CCDC91: variants seen among roughly 807,000 people sequenced by gnomAD.
The protein encoded by CCDC91 is coiled-coil domain-containing protein 91.
CCDC91 carries 48 observed loss-of-function variants against 63.2 expected under a neutral mutation model. That is an observed-to-expected ratio of 0.76 (90% CI 0.60 to 0.97). The LOEUF is 0.97. Ranked by LOEUF, CCDC91 falls within the 50% of genes least tolerant of loss-of-function variation. The pLI is 0.00. For synonymous variants in CCDC91, 167 were observed against 165.8 expected, an observed-to-expected ratio of 1.01 and a Z score of -0.06; for missense variants, 500 against 494.6, an observed-to-expected ratio of 1.01 and a Z score of -0.10.
chr12:28,328,329 A>G (rs1430546816), intron 6 of CCDC91, among the ~76,000 whole-genome samples: 2 of 151,926 alleles, frequency 1.3e-5, no homozygotes, highest in East Asian at 1.9e-4. Context: ...AAAGTTTTGG[A>G]TGTCTTTTGT....
chr12:28,483,026 C>T (rs1468551760), intron 11 of CCDC91, among the ~76,000 whole-genome samples: 2 of 152,042 alleles, frequency 1.3e-5, no homozygotes, highest in South Asian at 4.1e-4. Context: ...ATCCCATCTT[C>T]TGTATATCCA....
intron 1 of CCDC91, 98 bp from the exon 2 acceptor site, chr12:28,257,104 T>C (rs1182989526): frequency 2.1e-5 from 15 of 719,520 alleles, no homozygotes; most frequent in Non-Finnish European, 3.5e-5. Flanking sequence ...TTAGAAATTC[T>C]AATTTACAAA....
intron 8 of CCDC91, among the ~76,000 whole-genome samples, chr12:28,441,667 A>G (rs1041501092): frequency 1.3e-5 from 2 of 148,236 alleles, no homozygotes; most frequent in Non-Finnish European, 3.0e-5. Context: ...ATATATATAT[A>G]TCTCATATAT....
chr12:28,278,671 A>G (rs905353905), intron 3 of CCDC91, among the ~76,000 whole-genome samples: 1 of 152,044 alleles, frequency 6.6e-6, no homozygotes, highest in Admixed American at 6.6e-5. Context: ...TTTCAATTAT[A>G]TTGAAGTACT....
intron 12 of CCDC91, among the ~76,000 whole-genome samples, chr12:28,514,292 C>G (rs997751522): frequency 6.6e-6 from 1 of 151,888 alleles, no homozygotes; most frequent in Non-Finnish European, 1.5e-5. Flanking sequence ...GTTCTTTGCA[C>G]ATTTTTTAAT....
chr12:28,425,302 G>T (rs1333314204), intron 8 of CCDC91, among the ~76,000 whole-genome samples: 3 of 152,038 alleles, frequency 2.0e-5, no homozygotes, highest in East Asian at 3.9e-4. Context: ...AGGCAACTCT[G>T]TCAAACCTCC....
intron 8 of CCDC91, among the ~76,000 whole-genome samples, chr12:28,402,862 T>C (rs531612775): frequency 4.6e-5 from 7 of 152,290 alleles, no homozygotes; most frequent in African/African-American, 9.6e-5. Context: ...TGAACGTGTG[T>C]TGGATTTTTG....
intron 3 of CCDC91, chr12:28,268,621 T>G: frequency 1.0e-6 from 1 of 982,088 alleles, no homozygotes; most frequent in Non-Finnish European, 1.2e-6. Context: ...GAATGAGGGC[T>G]CCATTATTTT....
chr12:28,397,470 A>G (rs1346778720), intron 8 of CCDC91, among the ~76,000 whole-genome samples: 1 of 152,086 alleles, frequency 6.6e-6, no homozygotes, highest in East Asian at 1.9e-4. Flanking sequence ...ATTTAAATGT[A>G]TGGGCGAGAG....
intron 12 of CCDC91, among the ~76,000 whole-genome samples, chr12:28,498,034 C>G (rs1013419287): frequency 6.6e-6 from 1 of 151,570 alleles, no homozygotes; most frequent in African/African-American, 2.4e-5. Context: ...ATGCCCTCTC[C>G]TTCTGCTCTT....
At chr12:28,416,759 A>C (rs2139825493) in intron 8 of CCDC91, among the ~76,000 whole-genome samples, 1 of 152,252 alleles carries the variant, frequency 6.6e-6, no homozygotes, top group Non-Finnish European at 1.5e-5. Context: ...CTAGTCAAAA[A>C]CAGAGCTTAG....
intron 3 of CCDC91, among the ~76,000 whole-genome samples, chr12:28,269,816 T>G (rs2136353661): frequency 6.6e-6 from 1 of 152,204 alleles, no homozygotes; most frequent in East Asian, 1.9e-4. Context: ...TTTGTACCTG[T>G]TATTAGGAAT....
At chr12:28,358,265 T>A (rs1943649489) in intron 6 of CCDC91, among the ~76,000 whole-genome samples, 1 of 152,198 alleles carries the variant, frequency 6.6e-6, no homozygotes, top group South Asian at 2.1e-4. Context: ...TCAACAGACA[T>A]CTACTTGAAC....
intron 7 of CCDC91, among the ~76,000 whole-genome samples, chr12:28,385,951 A>G (rs1945571101): frequency 2.0e-5 from 3 of 152,168 alleles, no homozygotes; most frequent in Admixed American, 2.0e-4. Flanking sequence ...GTGTGGCATG[A>G]TTTTTGACTT....
chr12:28,394,172 A>G (rs1416162274), intron 8 of CCDC91, among the ~76,000 whole-genome samples: 1 of 152,210 alleles, frequency 6.6e-6, no homozygotes, highest in Admixed American at 6.5e-5. Flanking sequence ...AGTGCTACTT[A>G]AAAAGCAAAG....
chr12:28,496,053 A>G (rs1952262851), intron 12 of CCDC91, among the ~76,000 whole-genome samples: 1 of 151,650 alleles, frequency 6.6e-6, no homozygotes, highest in Non-Finnish European at 1.5e-5. Context: ...TTACATATCA[A>G]CCAGGGTTCT....
chr12:28,290,717 A>C (rs1949194499), intron 3 of CCDC91, among the ~76,000 whole-genome samples: 1 of 152,204 alleles, frequency 6.6e-6, no homozygotes, highest in Admixed American at 6.5e-5. Flanking sequence ...GTAGGATCAT[A>C]TTATAGTTAA....
At chr12:28,503,006 T>G (rs1938158975) in intron 12 of CCDC91, among the ~76,000 whole-genome samples, 1 of 151,876 alleles carries the variant, frequency 6.6e-6, no homozygotes, top group Non-Finnish European at 1.5e-5. Context: ...GCAATACCAT[T>G]CAGGACATAG....
At chr12:28,423,665 C>G (rs1384643013) in intron 8 of CCDC91, among the ~76,000 whole-genome samples, 1 of 152,100 alleles carries the variant, frequency 6.6e-6, no homozygotes, top group Non-Finnish European at 1.5e-5. Context: ...TATGATCTTA[C>G]AGTAAAAACT....
Sources: allele counts gnomAD v4.1 joint callset (sites outside exome capture counted in the v4.1 genomes callset), GRCh38; gene constraint gnomAD v4.1.1; transcripts MANE v1.5; gene names NCBI Gene and HGNC (gene_info 2026-07-23, HGNC 2026-07-21).